The following SPEF2 variants were observed in gnomAD, a reference collection of about 807,000 sequenced individuals.
SPEF2 encodes sperm flagella and cilia-associated protein 2.
In SPEF2, 187 loss-of-function variants were observed where a neutral mutation model predicts 224.6. The observed-to-expected ratio is 0.83, with a 90% CI of 0.74 to 0.94. SPEF2 has a LOEUF of 0.94. Among genes scored for constraint, SPEF2 ranks in the 40% least tolerant of loss-of-function variants. The pLI, the probability that SPEF2 is intolerant of heterozygous loss-of-function variation, is 0.00. For missense variants in SPEF2, 2,170 were observed against 2,135.6 expected (o/e 1.02, Z -0.32); for synonymous variants, 715 against 707.3 (o/e 1.01, Z -0.17).
At chr5:35,795,841 A>G in intron 33 of SPEF2, 46 bp downstream of exon 33, 1 of 1,493,454 alleles carries the variant, frequency 6.7e-7, no homozygotes, top group Non-Finnish European at 9.3e-7. Context: ...AGCACTAATC[A>G]TTTTCTTTGT....
chr5:35,652,226 AT>A (rs1748295058), intron 6 of SPEF2, among the ~76,000 whole-genome samples: 1 of 152,190 alleles, frequency 6.6e-6, no homozygotes, highest in Non-Finnish European at 1.5e-5. Flanking sequence ...CTTTATTGGA[AT>A]AAGACAACAG....
At chr5:35,674,123 A>C (rs1751553365) in intron 10 of SPEF2, among the ~76,000 whole-genome samples, 1 of 152,212 alleles carries the variant, frequency 6.6e-6, no homozygotes, top group Non-Finnish European at 1.5e-5. Flanking sequence ...TGCATTGATC[A>C]GCTCAGGCTG....
At chr5:35,663,036 C>G (rs1174693885) in intron 8 of SPEF2, among the ~76,000 whole-genome samples, 1 of 152,056 alleles carries the variant, frequency 6.6e-6, no homozygotes, top group Non-Finnish European at 1.5e-5. Flanking sequence ...TATTTATTTG[C>G]TATTCCATGG....
intron 20 of SPEF2, among the ~76,000 whole-genome samples, chr5:35,713,523 C>T (rs986862379): frequency 2.6e-5 from 4 of 151,428 alleles, no homozygotes; most frequent in African/African-American, 9.7e-5. Flanking sequence ...ATCCTGAGGT[C>T]AGGCGATCAA....
intron 34 of SPEF2, among the ~76,000 whole-genome samples, chr5:35,805,242 C>A (rs1167730495): frequency 6.6e-6 from 1 of 152,006 alleles, no homozygotes; most frequent in Non-Finnish European, 1.5e-5. Flanking sequence ...CCCAACTTAA[C>A]AATGGATATA....
intron 23 of SPEF2, among the ~76,000 whole-genome samples, chr5:35,748,018 C>A (rs902773203): frequency 6.6e-6 from 1 of 152,062 alleles, no homozygotes; most frequent in Non-Finnish European, 1.5e-5. Flanking sequence ...AACTGGAAAT[C>A]AACTCCAAAA....
intron 29 of SPEF2, among the ~76,000 whole-genome samples, chr5:35,777,757 T>C (rs535132331): frequency 2.6e-5 from 4 of 152,308 alleles, no homozygotes; most frequent in Admixed American, 1.3e-4. Flanking sequence ...CTTATTTTCC[T>C]GGCACTTTTT....
chr5:35,786,485 C>A (rs1561362694), intron 30 of SPEF2, among the ~76,000 whole-genome samples: 1 of 151,686 alleles, frequency 6.6e-6, no homozygotes, highest in Non-Finnish European at 1.5e-5. Context: ...TATGGTGAAA[C>A]CCCGTCTCTA....
chr5:35,760,753 A>G (rs1751168567), intron 25 of SPEF2, among the ~76,000 whole-genome samples: 1 of 152,298 alleles, frequency 6.6e-6, no homozygotes, highest in South Asian at 2.1e-4. Flanking sequence ...AGATAGAAAA[A>G]TGTCTTCTAG....
At chr5:35,700,471 C>T (rs757932465) in intron 15 of SPEF2, 25 bp from the exon 16 acceptor site, 4 of 1,588,102 alleles carry the variant, frequency 2.5e-6, no homozygotes, top group Non-Finnish European at 2.6e-6. Flanking sequence ...ACAAAATATT[C>T]ATGAGTTGTC....
At chr5:35,765,893 T>C (rs6888367) in intron 26 of SPEF2, among the ~76,000 whole-genome samples, 15,854 of 152,136 alleles carry the variant, frequency 0.1, 1,202 homozygotes, top group African/African-American at 0.21. Flanking sequence ...TATTATATAA[T>C]TTTTTCTGCA....
chr5:35,669,017 C>T (rs1021565274), intron 9 of SPEF2, among the ~76,000 whole-genome samples: 1 of 152,032 alleles, frequency 6.6e-6, no homozygotes, highest in Non-Finnish European at 1.5e-5. Flanking sequence ...CCTGAACACA[C>T]AGCCTTTTAA....
intron 10 of SPEF2, among the ~76,000 whole-genome samples, chr5:35,682,318 C>G (rs997831074): frequency 6.6e-6 from 1 of 150,952 alleles, no homozygotes; most frequent in Non-Finnish European, 1.5e-5. Context: ...GATAATCTGT[C>G]TGTTGTTGGG....
chr5:35,626,038 G>A (rs1272506311), intron 1 of SPEF2, among the ~76,000 whole-genome samples: 3 of 152,140 alleles, frequency 2.0e-5, no homozygotes, highest in Non-Finnish European at 2.9e-5. Flanking sequence ...CGTTAAAGTC[G>A]GAAAAAATCA....
chr5:35,797,594 T>C (rs1002658918), intron 33 of SPEF2, among the ~76,000 whole-genome samples: 3 of 152,240 alleles, frequency 2.0e-5, no homozygotes, highest in Admixed American at 6.5e-5. Context: ...AGTTCCTGTG[T>C]GTGGTACTCT....
At chr5:35,704,378 A>G (rs1302812103) in intron 16 of SPEF2, among the ~76,000 whole-genome samples, 176 bp from the exon 17 acceptor site, 1 of 152,130 alleles carries the variant, frequency 6.6e-6, no homozygotes, top group Non-Finnish European at 1.5e-5. Flanking sequence ...TTCCAAGAAA[A>G]CAATCGAATT....
At chr5:35,655,722 T>C (rs1433890144) in intron 7 of SPEF2, among the ~76,000 whole-genome samples, 1 of 152,170 alleles carries the variant, frequency 6.6e-6, no homozygotes, top group African/African-American at 2.4e-5. Context: ...GCTCAGTGTT[T>C]TTAGCTAACT....
At chr5:35,629,151 CTTTTTTTTTTT>C (rs768077049) in intron 2 of SPEF2, among the ~76,000 whole-genome samples, 9 of 88,322 alleles carry the variant, frequency 1.0e-4, no homozygotes, top group African/African-American at 3.6e-4. Context: ...TCGATTGTTC[CTTTTTTTTTTT>C]TTTTTTTTTT....
intron 14 of SPEF2, 123 bp downstream of exon 14, chr5:35,695,919 T>G: frequency 1.6e-6 from 1 of 636,766 alleles, no homozygotes; most frequent in Non-Finnish European, 2.6e-6. Flanking sequence ...CAAAGTTAAT[T>G]TGATGGTATA....
Sources: gnomAD v4.1 joint callset for allele counts (sites outside exome capture counted in the v4.1 genomes callset) on GRCh38, gnomAD v4.1.1 for gene constraint, MANE v1.5 for transcripts, NCBI Gene and HGNC (gene_info 2026-07-23, HGNC 2026-07-21) for gene names.